AFG1L: variants seen among roughly 807,000 people sequenced by gnomAD.
AFG1L encodes AFG1-like ATPase.
In AFG1L, 53 loss-of-function variants were observed where a neutral mutation model predicts 62.2. The ratio of observed to expected loss-of-function variants is 0.85; its 90% confidence interval spans 0.68 to 1.07. The LOEUF is 1.07. Among genes scored for constraint, AFG1L ranks in the 50% least tolerant of loss-of-function variants. The pLI is 0.00. For missense variants in AFG1L, 555 were observed against 590.5 expected, an observed-to-expected ratio of 0.94 and a Z score of 0.62; for synonymous variants, 228 against 210.3, an observed-to-expected ratio of 1.08 and a Z score of -0.73.
intron 5 of AFG1L, among the ~76,000 whole-genome samples, chr6:108,363,478 T>C (rs928356172): frequency 2.0e-5 from 3 of 152,122 alleles, no homozygotes; most frequent in African/African-American, 4.8e-5. Flanking sequence ...TTTTTGTTTG[T>C]TTTTTGTTTT....
chr6:108,356,951 C>A, intron 5 of AFG1L, 131 bp downstream of exon 5: 1 of 821,636 alleles, frequency 1.2e-6, no homozygotes, highest in Non-Finnish European at 1.8e-6. Context: ...TTCAATTTTA[C>A]TATCTAGTTC....
At chr6:108,357,461 G>A (rs560276947) in intron 5 of AFG1L, among the ~76,000 whole-genome samples, 5 of 152,158 alleles carry the variant, frequency 3.3e-5, no homozygotes, top group Non-Finnish European at 5.9e-5. Flanking sequence ...TATATGGCTT[G>A]CAAAGCCTAA....
intron 11 of AFG1L, among the ~76,000 whole-genome samples, chr6:108,516,902 A>G (rs961442083): frequency 2.0e-4 from 31 of 152,208 alleles, no homozygotes; most frequent in Non-Finnish European, 3.7e-4. Flanking sequence ...CCCATTCACA[A>G]TTGCTTCAAA....
chr6:108,414,274 A>T (rs192416088), intron 7 of AFG1L, among the ~76,000 whole-genome samples: 28 of 152,238 alleles, frequency 1.8e-4, no homozygotes, highest in Non-Finnish European at 4.1e-4. Flanking sequence ...ATTGAGGCAA[A>T]AATTAATAGC....
intron 5 of AFG1L, among the ~76,000 whole-genome samples, chr6:108,361,091 A>T (rs1413580604): frequency 6.6e-6 from 1 of 152,240 alleles, no homozygotes; most frequent in Non-Finnish European, 1.5e-5. Flanking sequence ...TTTCACCTGG[A>T]GGATGGCCTA....
chr6:108,333,656 A>G (rs1172068786), intron 2 of AFG1L, among the ~76,000 whole-genome samples: 1 of 152,194 alleles, frequency 6.6e-6, no homozygotes, highest in Non-Finnish European at 1.5e-5. Context: ...CAGTAGAAAA[A>G]TAGACAAAGG....
At chr6:108,369,393 A>G (rs577113588) in intron 6 of AFG1L, among the ~76,000 whole-genome samples, 1 of 152,200 alleles carries the variant, frequency 6.6e-6, no homozygotes, top group East Asian at 1.9e-4. Flanking sequence ...AACAAAGACT[A>G]GAACTTAGGT....
chr6:108,399,325 C>G (rs546416556), intron 6 of AFG1L, among the ~76,000 whole-genome samples: 11 of 151,306 alleles, frequency 7.3e-5, no homozygotes, highest in African/African-American at 2.7e-4. Context: ...GTAGCTGGGA[C>G]AACAGGTGCG....
intron 10 of AFG1L, among the ~76,000 whole-genome samples, chr6:108,505,267 T>C (rs1774361610): frequency 6.6e-6 from 1 of 152,100 alleles, no homozygotes; most frequent in South Asian, 2.1e-4. Context: ...CTAATTTTTG[T>C]ATTTTTAGTA....
At chr6:108,313,532 C>G (rs1185243159) in intron 1 of AFG1L, among the ~76,000 whole-genome samples, 2 of 152,114 alleles carry the variant, frequency 1.3e-5, no homozygotes, top group East Asian at 1.9e-4. Context: ...ATTGCTTTCT[C>G]TCTTTCTTTT....
At chr6:108,316,768 G>T (rs1027916339) in intron 1 of AFG1L, among the ~76,000 whole-genome samples, 2 of 151,982 alleles carry the variant, frequency 1.3e-5, no homozygotes, top group African/African-American at 4.8e-5. Context: ...TCCTGACCTC[G>T]TGATCTGCCC....
At chr6:108,300,747 A>C (rs914661186) in intron 1 of AFG1L, among the ~76,000 whole-genome samples, 2 of 150,612 alleles carry the variant, frequency 1.3e-5, no homozygotes, top group South Asian at 4.2e-4. Context: ...ATGTCGGCTC[A>C]CTGCAACCTC....
intron 1 of AFG1L, among the ~76,000 whole-genome samples, chr6:108,305,195 A>T (rs1288198159): frequency 6.6e-6 from 1 of 152,218 alleles, no homozygotes; most frequent in African/African-American, 2.4e-5. Flanking sequence ...TTAATTCTGG[A>T]GAGGCTCATT....
intron 7 of AFG1L, among the ~76,000 whole-genome samples, chr6:108,413,618 C>A (rs1428912661): frequency 3.3e-5 from 5 of 152,166 alleles, no homozygotes; most frequent in African/African-American, 1.2e-4. Context: ...GAAACTCACT[C>A]AAAACCACTC....
intron 10 of AFG1L, among the ~76,000 whole-genome samples, chr6:108,502,610 G>A (rs1774251549): frequency 6.6e-6 from 1 of 152,154 alleles, no homozygotes; most frequent in Non-Finnish European, 1.5e-5. Flanking sequence ...AAAGTGCTGG[G>A]ATTATAGGCA....
intron 2 of AFG1L, among the ~76,000 whole-genome samples, chr6:108,334,136 T>C (rs1778384867): frequency 6.6e-6 from 1 of 151,966 alleles, no homozygotes; most frequent in Non-Finnish European, 1.5e-5. Flanking sequence ...GCCTCCTGAG[T>C]AGGTAGGGCT....
intron 7 of AFG1L, among the ~76,000 whole-genome samples, chr6:108,426,360 G>A (rs1368462691): frequency 6.6e-6 from 1 of 152,104 alleles, no homozygotes; most frequent in Non-Finnish European, 1.5e-5. Context: ...CTATTAGCTT[G>A]AAGCTGTATT....
chr6:108,423,418 A>G (rs766655466), intron 7 of AFG1L, among the ~76,000 whole-genome samples: 1 of 152,102 alleles, frequency 6.6e-6, no homozygotes, highest in African/African-American at 2.4e-5. Context: ...TTTCAACAAC[A>G]TCTGAGCATG....
At chr6:108,410,232 G>T (rs1330055743) in intron 7 of AFG1L, among the ~76,000 whole-genome samples, 1 of 152,076 alleles carries the variant, frequency 6.6e-6, no homozygotes, top group Non-Finnish European at 1.5e-5. Context: ...GCTTGAACCT[G>T]GGGGGCAGAG....
Sources: allele counts gnomAD v4.1 joint callset (sites outside exome capture counted in the v4.1 genomes callset), GRCh38; gene constraint gnomAD v4.1.1; transcripts MANE v1.5; gene names NCBI Gene and HGNC (gene_info 2026-07-23, HGNC 2026-07-21).